Variants in UBE2E1 observed in about 807,000 individuals in gnomAD.
The protein encoded by UBE2E1 is ubiquitin conjugating enzyme E2 E1, also known as ubiquitin-conjugating enzyme E2 E1.
A neutral mutation model predicts 21.4 loss-of-function variants in UBE2E1; 6 were observed. The observed-to-expected ratio is 0.28, with a 90% CI of 0.15 to 0.55. The LOEUF (loss-of-function observed/expected upper bound fraction) is 0.55, where lower values mean the gene tolerates loss of function less well. UBE2E1 is among the 20% of genes least tolerant of loss of function. The pLI is 0.93. For missense variants in UBE2E1, 142 were observed against 236.5 expected, an observed-to-expected ratio of 0.60 and a Z score of 2.62; for synonymous variants, 87 against 82.7, an observed-to-expected ratio of 1.05 and a Z score of -0.28.
At chr3:23,865,580 C>T (rs764261603) in intron 3 of UBE2E1, among the ~76,000 whole-genome samples, 1 of 152,158 alleles carries the variant, frequency 6.6e-6, no homozygotes, top group Non-Finnish European at 1.5e-5. Context: ...TCCCTAACTC[C>T]TGGGCTCAAG....
chr3:23,829,494 G>T (rs888645538), intron 3 of UBE2E1, among the ~76,000 whole-genome samples: 1 of 152,016 alleles, frequency 6.6e-6, no homozygotes, highest in Non-Finnish European at 1.5e-5. Context: ...GAGAGGTGGG[G>T]TCTTGCTGTG....
intron 3 of UBE2E1, among the ~76,000 whole-genome samples, chr3:23,835,377 A>G (rs1370726659): frequency 6.6e-6 from 1 of 152,166 alleles, no homozygotes; most frequent in African/African-American, 2.4e-5. Flanking sequence ...CTGAGGTGGG[A>G]AGATCACTTG....
chr3:23,810,768 C>T lies in UBE2E1; in HGVS notation c.153-692C>T, dbSNP rs1040154909. ...CCCTGTTCCCCTCCCCCGCCCGCAA[C>T]TTCACCGGCGCGGCGCGAGCCGTCG... is the stretch of plus-strand genomic sequence containing the variant. On this transcript the variant is annotated intron_variant, in intron 2 of 5. Coordinates refer to ENST00000306627, the MANE Select transcript of UBE2E1 (RefSeq NM_003341.5). This position sits in a 1 kb window ranked among gnomAD's most constrained non-coding sequence, Gnocchi z 5.8. The T allele has an allele frequency of 3.8e-6, 1 of 264,046 alleles. No individual in the cohort carries two copies. The highest frequency in any genetic ancestry group is 7.1e-6 in the Non-Finnish European group (1 of 141,384). The allele number at this position is 264,046 out of a possible 1,614,324, so 16.4% of individuals were successfully genotyped here.
chr3:23,811,431 G>C lies in UBE2E1; in HGVS notation c.153-29G>C, dbSNP rs941732775. The stretch of plus-strand genomic sequence containing the variant: ...GCTTCCGCGCCTTAATGCTTCTTGT[G>C]TTTGTCTTTCCCATTTCTCCCACTC... On this transcript the variant is annotated intron_variant, in intron 2 of 5. Coordinates refer to ENST00000306627, the MANE Select transcript of UBE2E1 (RefSeq NM_003341.5). 6 of 1,613,730 alleles carry C rather than the reference G, an allele frequency of 3.7e-6. No homozygotes were observed. The African/African-American group carries it at 8.0e-5, about 22-fold the overall frequency.
intron 3 of UBE2E1, among the ~76,000 whole-genome samples, chr3:23,815,734 G>A (rs1051445556): frequency 2.6e-5 from 4 of 152,208 alleles, no homozygotes; most frequent in African/African-American, 9.6e-5. Context: ...TAAGAAATAG[G>A]TTCAGCAGAA....
rs545607158 is a variant in UBE2E1 at position 23,843,945 on chromosome 3, A to G, written c.203+32435A>G. Among the ~76,000 whole-genome samples, 3 of 152,214 alleles carry G rather than the reference A, an allele frequency of 2.0e-5. No individual in the cohort carries two copies. The South Asian group carries it at 6.2e-4, about 32-fold the overall frequency. Reference sequence around the variant, plus strand: ...GGTTGCCCGAGTTACAGATATTGCCATCTTTATCCTGCAGTTGTACTGACT... The same window carrying G: ...GGTTGCCCGAGTTACAGATATTGCCGTCTTTATCCTGCAGTTGTACTGACT... On this transcript the variant is annotated intron_variant, in intron 3 of 5. Transcript: ENST00000306627.
At chr3:23,813,816 C>T (rs536948012) in intron 3 of UBE2E1, among the ~76,000 whole-genome samples, 23 of 152,316 alleles carry the variant, frequency 1.5e-4, no homozygotes, top group Admixed American at 7.8e-4. Flanking sequence ...GCTGGGGTTA[C>T]GGGCGTGAGC....
At chr3:23,882,029 G>C (rs1200368631) in intron 3 of UBE2E1, among the ~76,000 whole-genome samples, 1 of 152,194 alleles carries the variant, frequency 6.6e-6, no homozygotes, top group Non-Finnish European at 1.5e-5. Flanking sequence ...CGCGGTGAGT[G>C]TTACAGCTCA....
intron 3 of UBE2E1, among the ~76,000 whole-genome samples, chr3:23,864,079 A>G (rs1348888775): frequency 6.6e-6 from 1 of 152,156 alleles, no homozygotes; most frequent in Non-Finnish European, 1.5e-5. Context: ...ATAATTTTTT[A>G]GAGACCTCAA....
At chr3:23,822,000 G>A (rs1234374267) in intron 3 of UBE2E1, among the ~76,000 whole-genome samples, 1 of 152,236 alleles carries the variant, frequency 6.6e-6, no homozygotes, top group Non-Finnish European at 1.5e-5. Flanking sequence ...AAGGCATCAT[G>A]AGAAGAGTGC....
chr3:23,864,797 G>A (rs564829909), intron 3 of UBE2E1, among the ~76,000 whole-genome samples: 10 of 152,290 alleles, frequency 6.6e-5, no homozygotes, highest in African/African-American at 2.2e-4. Context: ...CCTCTGAGTC[G>A]CTCATATTCC....
chr3:23,848,217 A>G (rs543815155), intron 3 of UBE2E1, among the ~76,000 whole-genome samples: 3 of 152,290 alleles, frequency 2.0e-5, no homozygotes, highest in African/African-American at 7.2e-5. Flanking sequence ...GCCTGTAATC[A>G]CAGCACTTTG....
chr3:23,871,018 C>A (rs1382737558), intron 3 of UBE2E1, among the ~76,000 whole-genome samples: 314 of 121,852 alleles, frequency 2.6e-3, no homozygotes, highest in South Asian at 5.3e-3. Context: ...CAACAGGATC[C>A]CAAGGCAGAA....
intron 3 of UBE2E1, among the ~76,000 whole-genome samples, chr3:23,850,229 G>A (rs905152074): frequency 6.6e-6 from 1 of 152,044 alleles, no homozygotes; most frequent in Admixed American, 6.6e-5. Flanking sequence ...TTGAACTCCT[G>A]GCCTCAAGTG....
rs372552220 is a variant in UBE2E1, at chr3:23,845,587, C to CTGTG, written c.203+34078_203+34079insGTGT. On this transcript the variant is annotated intron_variant, in intron 3 of 5. Transcript: ENST00000306627. ...TCTCTCTCTCTCTCTCTCTCTCTCT[C>CTGTG]TCTGTGTGTGTGTGTGTGTGTGTGT... is the stretch of plus-strand genomic sequence containing the variant. Among the ~76,000 whole-genome samples the CTGTG allele has an allele frequency of 7.5e-3, 861 of 115,526 alleles. 12 individuals are homozygous for CTGTG. Among genetic ancestry groups the CTGTG allele is most frequent in the African/African-American group, 0.027 (804 of 30,066 alleles). The allele number at this position is 115,526 out of a possible 152,430, so 75.8% of individuals were successfully genotyped here. A position where few individuals can be genotyped will look rare whatever the true frequency, so the allele number is the denominator to read the frequency against.
At chr3:23,885,326 G>T (rs932347051) in intron 3 of UBE2E1, among the ~76,000 whole-genome samples, 10 of 152,298 alleles carry the variant, frequency 6.6e-5, no homozygotes, top group Admixed American at 5.2e-4. Context: ...TCGAGGGGAT[G>T]CAAACATGTA....
chr3:23,861,868 A>G (rs1700564765), intron 3 of UBE2E1, among the ~76,000 whole-genome samples: 1 of 152,228 alleles, frequency 6.6e-6, no homozygotes. Context: ...TCATTCTCCA[A>G]GCCCACATGT....
At chr3:23,869,247 C>T (rs1054972414) in intron 3 of UBE2E1, among the ~76,000 whole-genome samples, 13 of 151,578 alleles carry the variant, frequency 8.6e-5, no homozygotes, top group Non-Finnish European at 4.4e-5. Flanking sequence ...TGAGAACTGC[C>T]TGTGTACTTT....
Position 23,889,380 on chromosome 3 carries a change from C to T in UBE2E1, c.484+121C>T, listed in dbSNP as rs531736642. 9 of 1,529,582 alleles carry T rather than the reference C, an allele frequency of 5.9e-6. No individual in the cohort carries two copies. In the Admixed American group the frequency reaches 6.5e-5, roughly 11 times the overall value. 94.8% of individuals were successfully genotyped at this position (1,529,582 alleles called of 1,614,324 possible). On this transcript the variant is annotated intron_variant, in intron 5 of 5. Transcript: ENST00000306627. ...CAAGTTTGTGAATACAAAAACTAAT[C>T]GGCTTTTCAAAAGAAAGTTTTAATC...
Sources: allele counts gnomAD v4.1 joint callset (sites outside exome capture counted in the v4.1 genomes callset), GRCh38; gene constraint gnomAD v4.1.1; non-coding constraint Gnocchi (gnomAD v3.1); transcripts MANE v1.5; gene names NCBI Gene and HGNC (gene_info 2026-07-23, HGNC 2026-07-21).